The following HDLBP variants were observed in gnomAD, a reference collection of about 807,000 sequenced individuals.
HDLBP encodes high density lipoprotein binding protein.
Under a neutral mutation model 137.3 loss-of-function variants are expected in HDLBP, and 30 were observed. That is an observed-to-expected ratio of 0.22 (90% confidence interval 0.16 to 0.30). The LOEUF (loss-of-function observed/expected upper bound fraction) is 0.30, where lower values mean the gene tolerates loss of function less well. HDLBP is among the 10% of genes least tolerant of loss of function. The probability of loss-of-function intolerance (pLI) is 1.00; values close to 1 mark genes in which losing one functional copy is unlikely to be tolerated. For missense variants in HDLBP, 1,119 were observed against 1,667.3 expected (o/e 0.67, Z 5.73); for synonymous variants, 606 against 596.0 (o/e 1.02, Z -0.24).
intron 17 of HDLBP, among the ~76,000 whole-genome samples, chr2:241,242,066 G>C (rs959790231): frequency 1.3e-5 from 2 of 152,212 alleles, no homozygotes; most frequent in Non-Finnish European, 1.5e-5. Context: ...CCACAGATGG[G>C]TTTTGACACA....
chr2:241,280,282 T>A (rs866047815), intron 1 of HDLBP, among the ~76,000 whole-genome samples: 1 of 152,236 alleles, frequency 6.6e-6, no homozygotes, highest in African/African-American at 2.4e-5. Flanking sequence ...TCAGTTTAAT[T>A]TGACTTGTAG....
chr2:241,241,457 C>T (rs2071208637), intron 17 of HDLBP, among the ~76,000 whole-genome samples: 1 of 151,232 alleles, frequency 6.6e-6, no homozygotes. Flanking sequence ...GTCCCAGCTA[C>T]TCGGGAGGCT....
rs2071011418 is a variant in HDLBP, at chr2:241,239,716, C to T, written c.2496G>A (p.Gly832=). The stretch of plus-strand genomic sequence containing the variant: ...CAGAGCGTGGGAAGCTGACCATCAC[C>T]CCGCCATACTCTTCAGCAATCTCCC... ...VLREIAEEYG[G]VMVSFPRSGT... is the part of the protein sequence containing the mutation. Residue 832 remains glycine, a synonymous_variant, in exon 19 of 28, where the codon GGG becomes GGA. Coordinates refer to ENST00000310931, the MANE Select transcript of HDLBP (RefSeq NM_005336.6). This position sits in a 1 kb window ranked among gnomAD's most constrained non-coding sequence, Gnocchi z 4.6. The T allele has an allele frequency of 2.5e-6, 4 of 1,614,208 alleles. No homozygotes were observed. In the African/African-American group the frequency reaches 5.3e-5, roughly 22 times the overall value.
At chr2:241,258,097 T>G (rs2072839928) in intron 5 of HDLBP, among the ~76,000 whole-genome samples, 1 of 151,776 alleles carries the variant, frequency 6.6e-6, no homozygotes, top group Non-Finnish European at 1.5e-5. Context: ...CTACAAAAAT[T>G]TTAAAAATAA....
At chr2:241,311,683 C>T (rs2075762024) in intron 1 of HDLBP, among the ~76,000 whole-genome samples, 1 of 152,114 alleles carries the variant, frequency 6.6e-6, no homozygotes, top group African/African-American at 2.4e-5. Flanking sequence ...AGCAAGCAAA[C>T]AAAAACAAAT....
At chr2:241,279,046 T>A (rs974465892) in intron 1 of HDLBP, among the ~76,000 whole-genome samples, 3 of 107,432 alleles carry the variant, frequency 2.8e-5, no homozygotes, top group East Asian at 4.0e-4. Context: ...TCTAAAAAAA[T>A]TTTTTAAAAT....
chr2:241,268,000 T>C (rs1194781005), intron 2 of HDLBP: 1 of 799,134 alleles, frequency 1.3e-6, no homozygotes, highest in Non-Finnish European at 1.5e-6. Context: ...TCCCTCTCCT[T>C]CCCTCTCCCC....
chr2:241,235,459 T>C (rs954634208), intron 22 of HDLBP, 31 bp downstream of exon 22: 9 of 1,552,402 alleles, frequency 5.8e-6, no homozygotes, highest in Middle Eastern at 1.7e-4. Context: ...AGGCCACTCC[T>C]GTGACATGGC....
chr2:241,273,122 T>C, intron 1 of HDLBP: 1 of 985,476 alleles, frequency 1.0e-6, no homozygotes, highest in Non-Finnish European at 1.2e-6. Flanking sequence ...ACGGCTGCTC[T>C]GGAAGCAGAT....
chr2:241,231,600 G>A (rs1342777592), intron 24 of HDLBP, among the ~76,000 whole-genome samples: 1 of 152,086 alleles, frequency 6.6e-6, no homozygotes, highest in African/African-American at 2.4e-5. Flanking sequence ...CTGCTTCTTT[G>A]CCCACGTGGG....
At chr2:241,267,053 C>T in intron 2 of HDLBP, 147 bp from the exon 3 acceptor site, 1 of 643,034 alleles carries the variant, frequency 1.6e-6, no homozygotes, top group Non-Finnish European at 2.7e-6. Context: ...CTGATGTAAG[C>T]TGATACCCAA....
chr2:241,238,351 C>A lies in HDLBP; in HGVS notation c.2749+298G>T, dbSNP rs2070806471. ...GCGATCCAAACGATGTCATGAGAAT[C>A]ACTGGGACTGAACTCGGGACACCCG... On this transcript the variant is annotated intron_variant, in intron 20 of 27. Transcript: ENST00000310931. This position sits in a 1 kb window ranked among gnomAD's most constrained non-coding sequence, Gnocchi z 4.9. 4.2e-6 allele frequency: 1 copy of A among 238,386 alleles called. No individual in the cohort carries two copies. Among genetic ancestry groups the A allele is most frequent in the East Asian group, 7.8e-5 (1 of 12,862 alleles). 14.8% of individuals were successfully genotyped at this position (238,386 alleles called of 1,614,324 possible).
chr2:241,310,475 TTTA>T (rs1442260698), intron 1 of HDLBP, among the ~76,000 whole-genome samples: 1 of 152,228 alleles, frequency 6.6e-6, no homozygotes, highest in South Asian at 2.1e-4. Flanking sequence ...TTAACTTGAT[TTTA>T]TTATTTATTG....
chr2:241,235,683 G>A (rs2070319914), intron 21 of HDLBP, 89 bp from the exon 22 acceptor site: 2 of 849,144 alleles, frequency 2.4e-6, no homozygotes, highest in Non-Finnish European at 3.9e-6. Context: ...GAAACACAAG[G>A]CAAACAGCCC....
chr2:241,291,026 GAC>G (rs942969169), intron 1 of HDLBP, among the ~76,000 whole-genome samples: 5 of 152,316 alleles, frequency 3.3e-5, no homozygotes, highest in Non-Finnish European at 7.3e-5. Flanking sequence ...GTGTTTGTGA[GAC>G]TTATCTGCAG....
At position 241,272,718 on chromosome 2, in the gene HDLBP, C is replaced by A. The variant is rs1417496031; in HGVS notation, c.-102-4177G>T. On this transcript the variant is annotated intron_variant, in intron 1 of 27. Transcript: ENST00000310931. The surrounding 1 kb of genome is among the most constrained non-coding windows in gnomAD (Gnocchi z 5.6). ...CGCCCGGCAGCCCGCCCGCCCCGTC[C>A]GCCCGCCCGCCCAGGCCTCCCAGCC... 25 of 537,376 alleles carry A rather than the reference C, an allele frequency of 4.7e-5. No homozygotes were observed. The highest frequency in any genetic ancestry group is 5.6e-5 in the Non-Finnish European group (24 of 425,366). The allele number at this position is 537,376 out of a possible 1,614,324, so 33.3% of individuals were successfully genotyped here.
intron 1 of HDLBP, among the ~76,000 whole-genome samples, chr2:241,308,889 C>G (rs1028993330): frequency 2.0e-5 from 3 of 152,190 alleles, no homozygotes; most frequent in Admixed American, 6.5e-5. Flanking sequence ...CCAAAGGCAT[C>G]AAGATCCGAC....
intron 3 of HDLBP, among the ~76,000 whole-genome samples, chr2:241,266,181 TCAGA>T (rs1335931990): frequency 1.3e-5 from 2 of 152,196 alleles, no homozygotes; most frequent in African/African-American, 4.8e-5. Flanking sequence ...TAAATACACA[TCAGA>T]CTTCGAAGAG....
At chr2:241,245,480 G>A (rs923775758) in intron 16 of HDLBP, among the ~76,000 whole-genome samples, 1 of 152,130 alleles carries the variant, frequency 6.6e-6, no homozygotes, top group African/African-American at 2.4e-5. Flanking sequence ...TAAAAAGCAA[G>A]CTGCCAAAAA....
Sources: gnomAD v4.1 joint callset for allele counts (sites outside exome capture counted in the v4.1 genomes callset) on GRCh38, gnomAD v4.1.1 for gene constraint, Gnocchi (gnomAD v3.1) non-coding constraint, MANE v1.5 for transcripts, NCBI Gene and HGNC (gene_info 2026-07-23, HGNC 2026-07-21) for gene names.